Variants in TIMP2 observed in about 807,000 individuals in gnomAD.
TIMP2 encodes the protein metalloproteinase inhibitor 2.
Under a neutral mutation model 24.3 loss-of-function variants are expected in TIMP2, and 5 were observed. That is an observed-to-expected ratio of 0.21 (90% CI 0.11 to 0.43). TIMP2 has a LOEUF of 0.43. Among genes scored for constraint, TIMP2 ranks in the 20% least tolerant of loss-of-function variants. The pLI is 1.00. For synonymous variants in TIMP2, 130 were observed against 123.2 expected (o/e 1.06, Z -0.37); for missense variants, 221 against 297.5 (o/e 0.74, Z 1.89).
At position 78,920,409 on chromosome 17, in the gene TIMP2, T is replaced by C. The variant is rs1475001666; in HGVS notation, c.130+4550A>G. Among the ~76,000 whole-genome samples, 1 of 152,118 alleles carries C rather than the reference T, an allele frequency of 6.6e-6. No individual in the cohort carries two copies. The highest frequency in any genetic ancestry group is 1.5e-5 in the Non-Finnish European group (1 of 68,014). ...AGAGGCTCTGAGGCTGGCACTGTCC[T>C]CAGATCCCAGATAGGGAGAAACGTG... On this transcript the variant is annotated intron_variant, in intron 1 of 4. Transcript: ENST00000262768. The surrounding 1 kb of genome is among the most constrained non-coding windows in gnomAD (Gnocchi z 4.5).
At chr17:78,900,504 C>T (rs949055030) in intron 1 of TIMP2, among the ~76,000 whole-genome samples, 1 of 150,596 alleles carries the variant, frequency 6.6e-6, no homozygotes, top group Non-Finnish European at 1.5e-5. Flanking sequence ...AAGATCGCAC[C>T]ACTGTACTCT....
At chr17:78,887,532 G>A (rs749032664) in intron 1 of TIMP2, among the ~76,000 whole-genome samples, 48 of 152,158 alleles carry the variant, frequency 3.2e-4, no homozygotes, top group Non-Finnish European at 6.0e-4. Flanking sequence ...CTACAAGTGC[G>A]CGCCGCCACG....
chr17:78,908,135 A>C (rs1177332783), intron 1 of TIMP2, among the ~76,000 whole-genome samples: 1 of 152,174 alleles, frequency 6.6e-6, no homozygotes, highest in Non-Finnish European at 1.5e-5. Flanking sequence ...ACACTGTCTC[A>C]AAAACAAAAA....
rs539197981 is a variant in TIMP2 at position 78,923,444 on chromosome 17, A to T, written c.130+1515T>A. Among the ~76,000 whole-genome samples, 217 of 150,542 alleles carry T rather than the reference A, an allele frequency of 1.4e-3. 3 individuals carry two copies. The highest frequency in any genetic ancestry group is 5.0e-3 in the African/African-American group (206 of 41,064). Reference sequence around the variant, plus strand: ...GGGGTCCCAAGGCCCAACTCCTACAAATCCAACTCCCAGGTCCTTTTATCC... The same window carrying T: ...GGGGTCCCAAGGCCCAACTCCTACATATCCAACTCCCAGGTCCTTTTATCC... On this transcript the variant is annotated intron_variant, in intron 1 of 4. Transcript: ENST00000262768.
chr17:78,896,465 C>T lies in TIMP2; in HGVS notation c.131-22546G>A, dbSNP rs954932142. Reference sequence around the variant, plus strand: ...CAGCCATGGTTCCAATCAGGGCCCTCGCTACAGCTCCCCTCCCAGAGGCAC... The same window carrying T: ...CAGCCATGGTTCCAATCAGGGCCCTTGCTACAGCTCCCCTCCCAGAGGCAC... On this transcript the variant is annotated intron_variant, in intron 1 of 4. Coordinates refer to ENST00000262768, the MANE Select transcript of TIMP2 (RefSeq NM_003255.5). The surrounding 1 kb of genome is among the most constrained non-coding windows in gnomAD (Gnocchi z 4.4). 9.2e-5 allele frequency among the ~76,000 whole-genome samples: 14 copies of T among 152,152 alleles called. No homozygotes were observed. Among genetic ancestry groups the T allele is most frequent in the Non-Finnish European group, 1.3e-4 (9 of 68,036 alleles).
intron 3 of TIMP2, among the ~76,000 whole-genome samples, chr17:78,859,649 C>T (rs1339318550): frequency 6.6e-6 from 1 of 150,832 alleles, no homozygotes; most frequent in Non-Finnish European, 1.5e-5. Context: ...GCGACAGAGA[C>T]AGACTCCATC....
chr17:78,875,919 C>A (rs1378802783), intron 1 of TIMP2, among the ~76,000 whole-genome samples: 5 of 152,196 alleles, frequency 3.3e-5, no homozygotes, highest in African/African-American at 1.2e-4. Flanking sequence ...CGCCTGGGCA[C>A]AAACCCCTTT....
At chr17:78,919,624 G>T (rs1481696776) in intron 1 of TIMP2, among the ~76,000 whole-genome samples, 1 of 152,178 alleles carries the variant, frequency 6.6e-6, no homozygotes, top group Non-Finnish European at 1.5e-5. Flanking sequence ...CACGAGGTCA[G>T]GAGATCGAGA....
At chr17:78,886,063 C>T (rs1567997887) in intron 1 of TIMP2, among the ~76,000 whole-genome samples, 1 of 152,136 alleles carries the variant, frequency 6.6e-6, no homozygotes, top group Non-Finnish European at 1.5e-5. Flanking sequence ...ACACCAATGC[C>T]CTAGTTAAAG....
At chr17:78,912,514 T>C (rs1052440900) in intron 1 of TIMP2, among the ~76,000 whole-genome samples, 1 of 152,190 alleles carries the variant, frequency 6.6e-6, no homozygotes, top group African/African-American at 2.4e-5. Flanking sequence ...GGCTCCAGCC[T>C]GAAAGTCCAT....
intron 1 of TIMP2, among the ~76,000 whole-genome samples, chr17:78,874,816 C>T (rs1218532903): frequency 6.6e-6 from 1 of 151,806 alleles, no homozygotes; most frequent in Non-Finnish European, 1.5e-5. Context: ...TCTTGGCTCA[C>T]TGCAACTTCT....
Position 78,891,933 on chromosome 17 carries a change from G to A in TIMP2, c.131-18014C>T, listed in dbSNP as rs1225719948. The A allele has an allele frequency of 1.9e-6, 3 of 1,550,586 alleles. No homozygotes were observed. The highest frequency in any genetic ancestry group is 2.0e-5 in the Admixed American group (1 of 51,002). On this transcript the variant is annotated intron_variant, in intron 1 of 4. Coordinates refer to ENST00000262768, the MANE Select transcript of TIMP2 (RefSeq NM_003255.5). The surrounding 1 kb of genome is among the most constrained non-coding windows in gnomAD (Gnocchi z 4.5). The stretch of plus-strand genomic sequence containing the variant: ...GCTGCTGTCTTCCGGGGCCTGGAGT[G>A]CCTGGGGTGTTGCTGGCCCAACTCT...
Position 78,853,351 on chromosome 17 carries a change from G to A in TIMP2, c.*2316C>T, listed in dbSNP as rs2069499142. 1 of 152,558 alleles carries A rather than the reference G, an allele frequency of 6.6e-6. No individual in the cohort carries two copies. Among genetic ancestry groups the A allele is most frequent in the Non-Finnish European group, 1.5e-5 (1 of 68,026 alleles). The allele number at this position is 152,558 out of a possible 1,614,324, so 9.5% of individuals were successfully genotyped here. A position where few individuals can be genotyped will look rare whatever the true frequency, so the allele number is the denominator to read the frequency against. On this transcript the variant is annotated 3_prime_UTR_variant, in exon 5 of 5. Coordinates refer to ENST00000262768, the MANE Select transcript of TIMP2 (RefSeq NM_003255.5). ...CATATAAATTAAACGATGCCAAATGGAGAGCCTTCTTAAACTATATATATA... is the reference window on the plus strand; with the variant it reads ...CATATAAATTAAACGATGCCAAATGAAGAGCCTTCTTAAACTATATATATA...
intron 1 of TIMP2, among the ~76,000 whole-genome samples, chr17:78,917,251 C>CTAA (rs2070267270): frequency 1.3e-5 from 1 of 77,454 alleles, no homozygotes; most frequent in Non-Finnish European, 2.3e-5. Context: ...GACTCCGTCT[C>CTAA]AAAAAAAAAA....
intron 1 of TIMP2, chr17:78,901,870 C>T (rs1054235923): frequency 2.5e-5 from 17 of 681,286 alleles, no homozygotes; most frequent in African/African-American, 2.0e-4. Context: ...GAAGCACTGT[C>T]TCCAGGGCTG....
chr17:78,923,155 T>C (rs996879115), intron 1 of TIMP2, among the ~76,000 whole-genome samples: 2 of 152,014 alleles, frequency 1.3e-5, no homozygotes, highest in Middle Eastern at 3.4e-3. Flanking sequence ...AGCTACAGGA[T>C]GATTTTGATG....
intron 1 of TIMP2, among the ~76,000 whole-genome samples, chr17:78,881,536 T>C (rs1283098772): frequency 6.6e-6 from 1 of 152,256 alleles, no homozygotes; most frequent in Non-Finnish European, 1.5e-5. Context: ...GACTCCACAC[T>C]GCGTAGACGC....
rs2069519067 is a variant in TIMP2, at chr17:78,855,670, T to C, written c.660A>G (p.Pro220=). The change falls in exon 5 of 5, where the codon CCA becomes CCG. Residue 220 remains proline (P), a synonymous_variant. Coordinates refer to ENST00000262768, the MANE Select transcript of TIMP2 (RefSeq NM_003255.5). This position sits in a 1 kb window ranked among gnomAD's most constrained non-coding sequence, Gnocchi z 6.0. ...PKQEFLDIED[P] is the part of the protein sequence containing the mutation. ...CACAGGGGCGTTGGAGGCCTGCTTATGGGTCCTCGATGTCGAGAAACTCCT... is the reference window on the plus strand; with the variant it reads ...CACAGGGGCGTTGGAGGCCTGCTTACGGGTCCTCGATGTCGAGAAACTCCT... 10 of 1,613,730 alleles carry C rather than the reference T, an allele frequency of 6.2e-6. No individual in the cohort carries two copies. In the South Asian group the frequency reaches 9.9e-5, roughly 16 times the overall value.
At chr17:78,915,969 C>T (rs1289238600) in intron 1 of TIMP2, among the ~76,000 whole-genome samples, 3 of 152,234 alleles carry the variant, frequency 2.0e-5, no homozygotes, top group African/African-American at 7.2e-5. Context: ...AGAGCAAGAA[C>T]ATACCTCCAA....
Sources: allele counts gnomAD v4.1 joint callset (sites outside exome capture counted in the v4.1 genomes callset), GRCh38; gene constraint gnomAD v4.1.1; non-coding constraint Gnocchi (gnomAD v3.1); transcripts MANE v1.5; gene names NCBI Gene and HGNC (gene_info 2026-07-23, HGNC 2026-07-21).